FAT3: variants seen among roughly 807,000 people sequenced by gnomAD.
FAT3 encodes the protein protocadherin Fat 3.
In FAT3, 95 loss-of-function variants were observed where a neutral mutation model predicts 310.2. The observed-to-expected ratio is 0.31, with a 90% CI of 0.26 to 0.36. The LOEUF is 0.36. Ranked by LOEUF, FAT3 falls within the 10% of genes least tolerant of loss-of-function variation. The pLI, the probability that FAT3 is intolerant of heterozygous loss-of-function variation, is 1.00. For missense variants in FAT3, 5,408 were observed against 5,715.6 expected (o/e 0.95, Z 1.74); for synonymous variants, 2,314 against 2,192.9 (o/e 1.06, Z -1.54).
At chr11:92,346,514 T>C (rs1333353732) in intron 1 of FAT3, among the ~76,000 whole-genome samples, 1 of 152,164 alleles carries the variant, frequency 6.6e-6, no homozygotes, top group East Asian at 1.9e-4. Flanking sequence ...TCATATTAGG[T>C]GTGGTCCCTC....
chr11:92,341,991 AC>A (rs953047113), intron 1 of FAT3, among the ~76,000 whole-genome samples: 1 of 151,818 alleles, frequency 6.6e-6, no homozygotes, highest in African/African-American at 2.4e-5. Flanking sequence ...TTCATTGTCT[AC>A]CTACCATGGA....
At chr11:92,840,804 A>T (rs758892281) in intron 18 of FAT3, 45 bp downstream of exon 18, 53 of 1,471,596 alleles carry the variant, frequency 3.6e-5, no homozygotes, top group Non-Finnish European at 9.1e-7. Context: ...TTTCTTTCTC[A>T]TGCTTGTTTC....
At chr11:92,732,720 TAAAAG>T (rs1945218361) in intron 4 of FAT3, among the ~76,000 whole-genome samples, 1 of 152,106 alleles carries the variant, frequency 6.6e-6, no homozygotes, top group South Asian at 2.1e-4. Flanking sequence ...TTACTAGAAT[TAAAAG>T]AAATAACATG....
chr11:92,779,496 A>G (rs1946682965), intron 7 of FAT3, among the ~76,000 whole-genome samples: 1 of 152,158 alleles, frequency 6.6e-6, no homozygotes, highest in African/African-American at 2.4e-5. Flanking sequence ...GAATAATGGG[A>G]TGAGTATAAC....
rs575406947 is a variant in FAT3, at chr11:92,539,154, T to C, written c.3607+14206T>C. ...TACTGAGTTAAATTGTTTTCTGTCA[T>C]AGTGAGAAATGCATTCTTCTGAAGA... On this transcript the variant is annotated intron_variant, in intron 3 of 27. Transcript: ENST00000525166. Among the ~76,000 whole-genome samples the C allele has an allele frequency of 4.9e-4, 75 of 152,302 alleles. 1 individual carries two copies. In the South Asian group the frequency reaches 0.014, roughly 29 times the overall value.
chr11:92,336,315 G>C, intron 1 of FAT3: 2 of 451,996 alleles, frequency 4.4e-6, no homozygotes, highest in South Asian at 3.7e-5. Context: ...TTTGTCCTCA[G>C]GATCTGGGTC....
Position 92,836,820 on chromosome 11 carries a change from A to T in FAT3, c.10224+117A>T. ...TCTCCATTCTAAGTAATGAGAGTAAATAAGGATGGGCTAAAATGCAGCATG... is the reference window on the plus strand; with the variant it reads ...TCTCCATTCTAAGTAATGAGAGTAATTAAGGATGGGCTAAAATGCAGCATG... On this transcript the variant is annotated intron_variant, in intron 16 of 27. Coordinates refer to ENST00000525166, the MANE Select transcript of FAT3 (RefSeq NM_001367949.2). 3 of 1,209,228 alleles carry T rather than the reference A, an allele frequency of 2.5e-6. No individual in the cohort carries two copies. The East Asian group carries it at 7.5e-5, about 30-fold the overall frequency. 74.9% of individuals were successfully genotyped at this position (1,209,228 alleles called of 1,614,324 possible). A position where few individuals can be genotyped will look rare whatever the true frequency, so the allele number is the denominator to read the frequency against.
chr11:92,480,355 A>T (rs1470867076), intron 2 of FAT3, among the ~76,000 whole-genome samples: 2 of 152,236 alleles, frequency 1.3e-5, no homozygotes, highest in Non-Finnish European at 2.9e-5. Flanking sequence ...CAAAGGCAGT[A>T]TATTTTGGAG....
rs911366742 is a variant in FAT3, at chr11:92,521,624, A to G, written c.3293-3010A>G. Among the ~76,000 whole-genome samples, 4 of 152,162 alleles carry G rather than the reference A, an allele frequency of 2.6e-5. 1 individual carries two copies. The highest frequency in any genetic ancestry group is 5.9e-5 in the Non-Finnish European group (4 of 68,008). On this transcript the variant is annotated intron_variant, in intron 2 of 27. Coordinates refer to ENST00000525166, the MANE Select transcript of FAT3 (RefSeq NM_001367949.2). Reference sequence around the variant, plus strand: ...TTCGCTTGGGTTGAACATCTTCTCTATGGTCAATTGGGTAGAAAGTGAAGG... The same window carrying G: ...TTCGCTTGGGTTGAACATCTTCTCTGTGGTCAATTGGGTAGAAAGTGAAGG...
chr11:92,437,772 G>A (rs16917559), intron 2 of FAT3, among the ~76,000 whole-genome samples: 7,329 of 152,126 alleles, frequency 0.048, 549 homozygotes, highest in African/African-American at 0.15. Context: ...AGTAAGAGAC[G>A]AGATCTCAAA....
At chr11:92,385,022 C>A (rs1949585160) in intron 2 of FAT3, among the ~76,000 whole-genome samples, 1 of 152,186 alleles carries the variant, frequency 6.6e-6, no homozygotes, top group African/African-American at 2.4e-5. Flanking sequence ...GATGTGCCAG[C>A]TCCTGACTGC....
At chr11:92,712,049 C>T (rs1249761235) in intron 4 of FAT3, among the ~76,000 whole-genome samples, 3 of 152,096 alleles carry the variant, frequency 2.0e-5, no homozygotes, top group Non-Finnish European at 2.9e-5. Context: ...GGCATGCAAG[C>T]GACATTCGCA....
At chr11:92,607,321 G>T (rs897333817) in intron 3 of FAT3, among the ~76,000 whole-genome samples, 5 of 151,868 alleles carry the variant, frequency 3.3e-5, no homozygotes, top group Admixed American at 6.6e-5. Flanking sequence ...AGGAAGGGGG[G>T]TGGGGGGAAA....
chr11:92,303,096 T>C (rs533890908), intron 1 of FAT3, among the ~76,000 whole-genome samples: 1 of 152,236 alleles, frequency 6.6e-6, no homozygotes, highest in South Asian at 2.1e-4. Context: ...GATGTATCCA[T>C]GGATGTTTGG....
chr11:92,489,291 T>C (rs544668921), intron 2 of FAT3, among the ~76,000 whole-genome samples: 3 of 152,244 alleles, frequency 2.0e-5, no homozygotes, highest in African/African-American at 7.2e-5. Flanking sequence ...AATTACAATA[T>C]ATATTTGATG....
intron 3 of FAT3, among the ~76,000 whole-genome samples, chr11:92,542,654 G>A (rs114912624): frequency 6.6e-6 from 1 of 151,874 alleles, no homozygotes. Context: ...AATTAAAATG[G>A]CTATTATCAA....
At chr11:92,450,474 G>C (rs1258458591) in intron 2 of FAT3, among the ~76,000 whole-genome samples, 1 of 152,106 alleles carries the variant, frequency 6.6e-6, no homozygotes, top group Non-Finnish European at 1.5e-5. Context: ...ATGAGCTAGA[G>C]AGAGGGATTG....
intron 3 of FAT3, among the ~76,000 whole-genome samples, chr11:92,565,403 C>T (rs1279277827): frequency 1.6e-5 from 2 of 127,730 alleles, no homozygotes; most frequent in Admixed American, 8.6e-5. Flanking sequence ...CAATAGCTTA[C>T]CAACCAAAAA....
In FAT3 at chr11:92,765,056, C is replaced by T. The variant is rs1287083236; in HGVS notation, c.4162C>T (p.Pro1388Ser). 2.5e-6 allele frequency: 4 copies of T among 1,613,332 alleles called. No homozygotes were observed. In the Admixed American group the frequency reaches 6.7e-5, roughly 27 times the overall value. ...TEIVGVVSVQPANTPLWFDIV... is the reference protein window; with the variant it reads ...TEIVGVVSVQSANTPLWFDIV... ...AATTGTAGGGGTGGTGTCTGTGCAG[C>T]CAGCTAACACCCCTCTGTGGTTTGA... Residue 1388 changes from proline to serine, a missense_variant, in exon 6 of 28, where the codon CCA becomes TCA. Pro to Ser is a moderately conservative substitution (Grantham distance 74). This residue lies in a region of FAT3 where 4,588 missense variants were observed against 4,809.8 expected (regional missense o/e 0.95). Coordinates refer to ENST00000525166, the MANE Select transcript of FAT3 (RefSeq NM_001367949.2).
Sources: allele counts gnomAD v4.1 joint callset (sites outside exome capture counted in the v4.1 genomes callset), GRCh38; gene constraint gnomAD v4.1.1; regional missense constraint gnomAD v4.1.1; transcripts MANE v1.5; gene names NCBI Gene and HGNC (gene_info 2026-07-23, HGNC 2026-07-21).